KCNIP4: variants seen among roughly 807,000 people sequenced by gnomAD.
The protein encoded by KCNIP4 is Kv channel-interacting protein 4.
KCNIP4 carries 12 observed loss-of-function variants against 34.0 expected under a neutral mutation model. The observed-to-expected ratio is 0.35, with a 90% CI of 0.23 to 0.57. The LOEUF is 0.57. Ranked by LOEUF, KCNIP4 falls within the 20% of genes least tolerant of loss-of-function variation. The pLI, the probability that KCNIP4 is intolerant of heterozygous loss-of-function variation, is 0.83. For missense variants in KCNIP4, 238 were observed against 311.7 expected (o/e 0.76, Z 1.78); for synonymous variants, 124 against 102.2 (o/e 1.21, Z -1.29).
chr4:21,345,139 G>A (rs1265118847), intron 1 of KCNIP4, among the ~76,000 whole-genome samples: 1 of 152,118 alleles, frequency 6.6e-6, no homozygotes, highest in Non-Finnish European at 1.5e-5. Flanking sequence ...TGTGGCTTCT[G>A]TCTTGGGAGG....
At chr4:20,731,288 G>A (rs1018072615) in intron 8 of KCNIP4, 2 of 582,604 alleles carry the variant, frequency 3.4e-6, no homozygotes, top group East Asian at 1.4e-4. Flanking sequence ...TGCCCACATT[G>A]GACTCAAAAT....
intron 1 of KCNIP4, among the ~76,000 whole-genome samples, chr4:21,757,916 C>T (rs566287607): frequency 6.6e-6 from 1 of 152,102 alleles, no homozygotes; most frequent in Admixed American, 6.6e-5. Context: ...AAAAGACATG[C>T]GTTGGTGTGT....
chr4:20,948,877 A>G (rs1325872696), intron 1 of KCNIP4, among the ~76,000 whole-genome samples: 1 of 152,176 alleles, frequency 6.6e-6, no homozygotes, highest in Non-Finnish European at 1.5e-5. Context: ...ATGTTTACCA[A>G]TTGGTTCCTT....
rs140608926 is a variant in KCNIP4, at chr4:21,563,381, C to T, written c.61+385190G>A. ...TACATAAAGTCTGTTAACTCCTTTG[C>T]TGTGTGAATATTGACACATTGCTTA... On this transcript the variant is annotated intron_variant, in intron 1 of 8. Coordinates refer to ENST00000382152, the MANE Select transcript of KCNIP4 (RefSeq NM_025221.6). Among the ~76,000 whole-genome samples the T allele has an allele frequency of 1.2e-4, 18 of 152,182 alleles. No homozygotes were observed. In the East Asian group the frequency reaches 3.5e-3, roughly 29 times the overall value.
chr4:21,825,272 A>C (rs1722604921), intron 1 of KCNIP4, among the ~76,000 whole-genome samples: 1 of 152,064 alleles, frequency 6.6e-6, no homozygotes, highest in African/African-American at 2.4e-5. Flanking sequence ...GTAGAAATAA[A>C]CATGAAAAAA....
chr4:21,533,399 A>C (rs2108982678), intron 1 of KCNIP4, among the ~76,000 whole-genome samples: 1 of 152,270 alleles, frequency 6.6e-6, no homozygotes, highest in African/African-American at 2.4e-5. Context: ...TGATTTTTAA[A>C]GACTAAAAGA....
intron 2 of KCNIP4, among the ~76,000 whole-genome samples, chr4:20,856,229 G>A (rs1721556456): frequency 6.6e-6 from 1 of 152,158 alleles, no homozygotes; most frequent in African/African-American, 2.4e-5. Context: ...AGATAATATC[G>A]AATAGAAAGC....
intron 1 of KCNIP4, among the ~76,000 whole-genome samples, chr4:21,426,356 T>C (rs1330352149): frequency 1.3e-5 from 2 of 152,176 alleles, no homozygotes; most frequent in East Asian, 3.9e-4. Context: ...ATAGATGTAA[T>C]GAAAATAATT....
chr4:21,667,290 G>T (rs1387386455), intron 1 of KCNIP4, among the ~76,000 whole-genome samples: 2 of 152,146 alleles, frequency 1.3e-5, no homozygotes. Context: ...TAGGATATTT[G>T]AGCAGTCCCA....
chr4:21,760,740 C>A (rs1180944937), intron 1 of KCNIP4, among the ~76,000 whole-genome samples: 3 of 152,106 alleles, frequency 2.0e-5, no homozygotes, highest in East Asian at 1.9e-4. Context: ...TTAAATATTT[C>A]TATTATTTAT....
chr4:21,691,281 A>G (rs986538893), intron 1 of KCNIP4, among the ~76,000 whole-genome samples: 1 of 152,062 alleles, frequency 6.6e-6, no homozygotes, highest in African/African-American at 2.4e-5. Flanking sequence ...TTCTTCCCTG[A>G]GCTTTCTTCC....
At position 21,127,729 on chromosome 4, in the gene KCNIP4, C is replaced by T. The variant is rs560987060; in HGVS notation, c.62-245020G>A. Among the ~76,000 whole-genome samples, 14 of 152,300 alleles carry T rather than the reference C, an allele frequency of 9.2e-5. No individual in the cohort carries two copies. The South Asian group carries it at 1.4e-3, about 16-fold the overall frequency. The stretch of plus-strand genomic sequence containing the variant: ...TATAAAGGAATCTTGGCTAGTAAAT[C>T]GTGATTTTGAACTACTAAATCAAAG... On this transcript the variant is annotated intron_variant, in intron 1 of 8. Coordinates refer to ENST00000382152, the MANE Select transcript of KCNIP4 (RefSeq NM_025221.6).
chr4:21,779,477 G>T (rs544572226), intron 1 of KCNIP4, among the ~76,000 whole-genome samples: 14 of 152,246 alleles, frequency 9.2e-5, no homozygotes, highest in African/African-American at 3.1e-4. Context: ...TATTGGATGT[G>T]TTAATTAGCT....
chr4:21,876,412 C>T (rs1726113939), intron 1 of KCNIP4, among the ~76,000 whole-genome samples: 1 of 152,028 alleles, frequency 6.6e-6, no homozygotes, highest in Non-Finnish European at 1.5e-5. Context: ...GTTCACTGAA[C>T]CCTTAAATTC....
At chr4:21,714,679 C>T (rs1274395489) in intron 1 of KCNIP4, among the ~76,000 whole-genome samples, 3 of 152,106 alleles carry the variant, frequency 2.0e-5, no homozygotes, top group East Asian at 3.9e-4. Context: ...CCATTCAACA[C>T]ATTTGCTCTA....
At chr4:20,805,127 G>A (rs1261193872) in intron 3 of KCNIP4, among the ~76,000 whole-genome samples, 3 of 150,406 alleles carry the variant, frequency 2.0e-5, no homozygotes. Flanking sequence ...GAGAATGTAG[G>A]CAAAAGGAAG....
At chr4:21,214,322 C>T (rs979706534) in intron 1 of KCNIP4, among the ~76,000 whole-genome samples, 1 of 152,158 alleles carries the variant, frequency 6.6e-6, no homozygotes, top group South Asian at 2.1e-4. Flanking sequence ...ATCCCTGTCT[C>T]CTCTCATCTA....
intron 1 of KCNIP4, among the ~76,000 whole-genome samples, chr4:21,744,933 C>G (rs370804304): frequency 6.6e-6 from 1 of 152,132 alleles, no homozygotes; most frequent in East Asian, 1.9e-4. Flanking sequence ...TACCGTGGTT[C>G]AACTTGGGAG....
chr4:21,547,777 T>C (rs958589535), intron 1 of KCNIP4, among the ~76,000 whole-genome samples: 1 of 152,152 alleles, frequency 6.6e-6, no homozygotes, highest in Non-Finnish European at 1.5e-5. Flanking sequence ...TATTTGCAGA[T>C]AGAAGCTATT....
Sources: allele counts gnomAD v4.1 joint callset (sites outside exome capture counted in the v4.1 genomes callset), GRCh38; gene constraint gnomAD v4.1.1; transcripts MANE v1.5; gene names NCBI Gene and HGNC (gene_info 2026-07-23, HGNC 2026-07-21).